Variants in PARD3B observed in about 807,000 individuals in gnomAD.
PARD3B encodes the protein partitioning defective 3 homolog B.
In PARD3B, 103 loss-of-function variants were observed where a neutral mutation model predicts 130.2. The observed-to-expected ratio is 0.79, with a 90% CI of 0.67 to 0.93. The LOEUF is 0.93. Among genes scored for constraint, PARD3B ranks in the 40% least tolerant of loss-of-function variants. PARD3B has a pLI of 0.00. For missense variants in PARD3B, 1,609 were observed against 1,499.2 expected, an observed-to-expected ratio of 1.07 and a Z score of -1.21; for synonymous variants, 583 against 553.2, an observed-to-expected ratio of 1.05 and a Z score of -0.76.
chr2:205,216,748 C>T (rs926320432), intron 15 of PARD3B, among the ~76,000 whole-genome samples: 3 of 152,156 alleles, frequency 2.0e-5, no homozygotes, highest in African/African-American at 7.2e-5. Context: ...GAACAGTACT[C>T]TTTATCAGTT....
intron 15 of PARD3B, among the ~76,000 whole-genome samples, chr2:205,228,105 A>G (rs1222295280): frequency 2.0e-5 from 3 of 152,262 alleles, no homozygotes; most frequent in East Asian, 3.9e-4. Context: ...TTTATATTTT[A>G]GTCTTTCTGC....
chr2:204,824,285 A>G (rs1056866448), intron 2 of PARD3B, among the ~76,000 whole-genome samples: 1 of 152,126 alleles, frequency 6.6e-6, no homozygotes, highest in South Asian at 2.1e-4. Context: ...GTGAAAATAT[A>G]TTATTTTTAT....
At chr2:204,605,595 G>T (rs1321049486) in intron 1 of PARD3B, among the ~76,000 whole-genome samples, 1 of 152,106 alleles carries the variant, frequency 6.6e-6, no homozygotes, top group African/African-American at 2.4e-5. Flanking sequence ...GTTCTGTGAT[G>T]GAAGTATAGT....
At chr2:205,324,171 A>G (rs1352039099) in intron 18 of PARD3B, among the ~76,000 whole-genome samples, 1 of 152,200 alleles carries the variant, frequency 6.6e-6, no homozygotes. Flanking sequence ...TACGTCACAC[A>G]CTATGCTGCA....
chr2:204,919,971 T>C lies in PARD3B; in HGVS notation c.223-45181T>C, dbSNP rs942205044. Among the ~76,000 whole-genome samples the C allele has an allele frequency of 2.6e-5, 4 of 152,258 alleles. No homozygotes were observed. In the East Asian group the frequency reaches 7.7e-4, roughly 29 times the overall value. The stretch of plus-strand genomic sequence containing the variant: ...TCTTCCATTTAGACAGACACATGAA[T>C]TTCTCTTGCAGAGTCTGCCCTTTAC... On this transcript the variant is annotated intron_variant, in intron 2 of 22. Coordinates refer to ENST00000406610, the MANE Select transcript of PARD3B (RefSeq NM_001302769.2).
chr2:204,609,812 A>G (rs2033859369), intron 1 of PARD3B, among the ~76,000 whole-genome samples: 1 of 152,098 alleles, frequency 6.6e-6, no homozygotes, highest in Non-Finnish European at 1.5e-5. Flanking sequence ...AGACCTAGAA[A>G]GGGTCTTTCC....
intron 18 of PARD3B, among the ~76,000 whole-genome samples, chr2:205,302,129 C>T (rs548211141): frequency 1.7e-5 from 2 of 118,262 alleles, no homozygotes; most frequent in Non-Finnish European, 3.2e-5. Context: ...AGTGCAGTGG[C>T]GTGATCTCGG....
rs942561356 is a variant in PARD3B at position 205,488,163 on chromosome 2, G to A, written c.3045-11733G>A. Among the ~76,000 whole-genome samples, 3 of 151,890 alleles carry A rather than the reference G, an allele frequency of 2.0e-5. No homozygotes were observed. In the East Asian group the frequency reaches 5.8e-4, roughly 29 times the overall value. The stretch of plus-strand genomic sequence containing the variant: ...AGTCATTACATGAGACAAAAATTGT[G>A]TATTGACAAAATTAATCTTGGGAAA... On this transcript the variant is annotated intron_variant, in intron 20 of 22. Coordinates refer to ENST00000406610, the MANE Select transcript of PARD3B (RefSeq NM_001302769.2).
At chr2:205,206,678 C>T (rs58377512) in intron 15 of PARD3B, among the ~76,000 whole-genome samples, 23,704 of 151,204 alleles carry the variant, frequency 0.16, 2,133 homozygotes, top group African/African-American at 0.25. Flanking sequence ...AATAAACATA[C>T]GTGTGCATGT....
chr2:204,758,942 T>C (rs540036923), intron 2 of PARD3B, among the ~76,000 whole-genome samples: 1 of 152,322 alleles, frequency 6.6e-6, no homozygotes, highest in Admixed American at 6.5e-5. Flanking sequence ...TCAGTTGTCC[T>C]TCTCTGATGT....
chr2:205,186,222 TA>T (rs11340761), intron 14 of PARD3B, among the ~76,000 whole-genome samples: 3,905 of 152,268 alleles, frequency 0.026, 151 homozygotes, highest in African/African-American at 0.089. Context: ...GGGTTTTTAT[TA>T]GTAATTGGCA....
chr2:204,553,665 T>TCC (rs2030675935), intron 1 of PARD3B, among the ~76,000 whole-genome samples: 1 of 18,978 alleles, frequency 5.3e-5, no homozygotes, highest in Non-Finnish European at 2.2e-4. Flanking sequence ...TATATATATA[T>TCC]ATATATATAT....
rs1575719605 is a variant in PARD3B at position 205,078,151 on chromosome 2, A to G, written c.505-26275A>G. ...TGTAATTAAGAGTGAGATATAGTTT[A>G]TTTATGAAAAGGTGCTTTTGTGTGG... On this transcript the variant is annotated intron_variant, in intron 4 of 22. Coordinates refer to ENST00000406610, the MANE Select transcript of PARD3B (RefSeq NM_001302769.2). This position sits in a 1 kb window ranked among gnomAD's most constrained non-coding sequence, Gnocchi z 4.0. Among the ~76,000 whole-genome samples, 1 of 152,318 alleles carries G rather than the reference A, an allele frequency of 6.6e-6. No homozygotes were observed. The highest frequency in any genetic ancestry group is 3.4e-3 in the Middle Eastern group (1 of 294).
intron 1 of PARD3B, among the ~76,000 whole-genome samples, chr2:204,554,561 T>A (rs918321557): frequency 6.6e-6 from 1 of 152,112 alleles, no homozygotes; most frequent in African/African-American, 2.4e-5. Context: ...GGAATCTGAC[T>A]ACTTTTCAGT....
chr2:205,597,960 G>A (rs192962356), intron 22 of PARD3B, among the ~76,000 whole-genome samples: 2 of 152,196 alleles, frequency 1.3e-5, no homozygotes, highest in Admixed American at 1.3e-4. Flanking sequence ...CCTTAAAAAG[G>A]GAATGTTAAA....
At chr2:204,573,520 T>C (rs2032104166) in intron 1 of PARD3B, among the ~76,000 whole-genome samples, 1 of 152,200 alleles carries the variant, frequency 6.6e-6, no homozygotes, top group Admixed American at 6.5e-5. Context: ...AGAGAGATGG[T>C]TACTTGTCCT....
intron 4 of PARD3B, among the ~76,000 whole-genome samples, chr2:205,051,349 A>C (rs1196946281): frequency 6.6e-6 from 1 of 152,212 alleles, no homozygotes; most frequent in African/African-American, 2.4e-5. Flanking sequence ...ATTGCATTTC[A>C]GTCCAATATC....
At chr2:204,931,026 TCA>T (rs1687988981) in intron 2 of PARD3B, among the ~76,000 whole-genome samples, 1 of 152,146 alleles carries the variant, frequency 6.6e-6, no homozygotes, top group African/African-American at 2.4e-5. Flanking sequence ...TAGGCTGATG[TCA>T]CAGTCTTTGA....
chr2:205,012,231 T>C (rs1695771293), intron 3 of PARD3B, among the ~76,000 whole-genome samples: 1 of 152,220 alleles, frequency 6.6e-6, no homozygotes, highest in Non-Finnish European at 1.5e-5. Context: ...TCTCCTGGTT[T>C]TCTTCGTATT....
Sources: allele counts gnomAD v4.1 joint callset (sites outside exome capture counted in the v4.1 genomes callset), GRCh38; gene constraint gnomAD v4.1.1; non-coding constraint Gnocchi (gnomAD v3.1); transcripts MANE v1.5; gene names NCBI Gene and HGNC (gene_info 2026-07-23, HGNC 2026-07-21).